The following GRIA3 variants were observed in gnomAD, a reference collection of about 807,000 sequenced individuals.
The protein encoded by GRIA3 is glutamate receptor 3.
Under a neutral mutation model 63.0 loss-of-function variants are expected in GRIA3, and 3 were observed. The ratio of observed to expected loss-of-function variants is 0.05; its 90% CI spans 0.02 to 0.12. The LOEUF (loss-of-function observed/expected upper bound fraction) is 0.12. GRIA3 is among the 10% of genes least tolerant of loss of function. The probability of loss-of-function intolerance (pLI) is 1.00; values close to 1 mark genes in which losing one functional copy is unlikely to be tolerated. For synonymous variants in GRIA3, 274 were observed against 257.9 expected, an observed-to-expected ratio of 1.06 and a Z score of -0.60; for missense variants, 347 against 700.9, an observed-to-expected ratio of 0.50 and a Z score of 5.70.
At chrX:123,280,271 G>A (rs921533377) in intron 3 of GRIA3, among the ~76,000 whole-genome samples, 2 of 111,935 alleles carry the variant, frequency 1.8e-5, no homozygotes, top group African/African-American at 6.5e-5. Context: ...ACCAAAACAC[G>A]CAGACATTTC....
intron 12 of GRIA3, among the ~76,000 whole-genome samples, chrX:123,445,635 A>G (rs1322556720): frequency 1.8e-5 from 2 of 112,459 alleles, no homozygotes; most frequent in Non-Finnish European, 3.7e-5. Context: ...AAAATCTTTG[A>G]CTATACAACA....
chrX:123,215,953 C>G (rs1347518228), intron 2 of GRIA3, among the ~76,000 whole-genome samples: 1 of 111,831 alleles, frequency 8.9e-6, no homozygotes, highest in African/African-American at 3.3e-5. Flanking sequence ...GCTTTGTGCC[C>G]GGTGCTGTAC....
chrX:123,286,752 C>T (rs757101426), intron 3 of GRIA3, among the ~76,000 whole-genome samples: 19 of 111,322 alleles, frequency 1.7e-4, no homozygotes, highest in East Asian at 5.7e-4. Flanking sequence ...TAACAAGTTC[C>T]GAAATTGGGG....
chrX:123,185,854 A>G lies in GRIA3; in HGVS notation c.132A>G (p.Thr44=), dbSNP rs1362682009. 1 of 1,210,609 alleles carries G rather than the reference A, an allele frequency of 8.3e-7. No individual in the cohort carries two copies. ...ISIGGLFMRN[T]VQEHSAFRFA... is the part of the protein sequence containing the mutation. The stretch of plus-strand genomic sequence containing the variant: ...TAGGTGGACTTTTCATGAGAAACAC[A>G]GTGCAGGAGCACAGCGCTTTCCGCT... Residue 44 remains threonine (T), a synonymous_variant, in exon 2 of 16, where the codon ACA becomes ACG. Transcript: ENST00000620443.
chrX:123,376,942 TTTTTTTTTTTG>T (rs1292994069), intron 5 of GRIA3, among the ~76,000 whole-genome samples: 5 of 100,616 alleles, frequency 5.0e-5, no homozygotes, highest in Non-Finnish European at 8.1e-5. Context: ...TCTTTTTTTT[TTTTTTTTTTTG>T]AGGCAGAGTC....
chrX:123,359,762 T>A (rs2045157032), intron 5 of GRIA3, among the ~76,000 whole-genome samples: 1 of 111,503 alleles, frequency 9.0e-6, no homozygotes, highest in Non-Finnish European at 1.9e-5. Context: ...CCACAAACAA[T>A]TGAAGTGCCC....
At chrX:123,203,570 A>G (rs1262458076) in intron 2 of GRIA3, among the ~76,000 whole-genome samples, 1 of 111,530 alleles carries the variant, frequency 9.0e-6, no homozygotes. Context: ...TGTTTGAAAG[A>G]TGCCCCTGAT....
intron 3 of GRIA3, among the ~76,000 whole-genome samples, chrX:123,255,422 A>C (rs919770474): frequency 9.0e-6 from 1 of 111,014 alleles, no homozygotes. Flanking sequence ...AACAGTATAC[A>C]TGTACTGTAT....
At chrX:123,338,305 C>G (rs1026504981) in intron 4 of GRIA3, among the ~76,000 whole-genome samples, 1 of 111,634 alleles carries the variant, frequency 9.0e-6, no homozygotes, top group Non-Finnish European at 1.9e-5. Context: ...AGTCAGAGAA[C>G]GATTTTCACT....
At chrX:123,407,694 G>GGT (rs1556314621) in intron 10 of GRIA3, among the ~76,000 whole-genome samples, 4 of 85,226 alleles carry the variant, frequency 4.7e-5, no homozygotes, top group Non-Finnish European at 6.8e-5. Flanking sequence ...TTGGTTGCGG[G>GGT]GGGGGGGGGG....
chrX:123,273,189 A>C (rs894003479), intron 3 of GRIA3, among the ~76,000 whole-genome samples: 18 of 111,598 alleles, frequency 1.6e-4, no homozygotes, highest in Non-Finnish European at 3.0e-4. Flanking sequence ...CCCACCACTG[A>C]TATTCCTAGC....
At chrX:123,487,511 T>C (rs769744611) in intron 15 of GRIA3, among the ~76,000 whole-genome samples, 1 of 111,908 alleles carries the variant, frequency 8.9e-6, no homozygotes, top group South Asian at 3.8e-4. Context: ...TCACGTTATG[T>C]TAAGTATGAA....
intron 3 of GRIA3, among the ~76,000 whole-genome samples, chrX:123,284,226 A>C (rs1037016086): frequency 4.4e-5 from 5 of 112,405 alleles, no homozygotes; most frequent in Admixed American, 2.8e-4. Context: ...GGATGTCCAC[A>C]CAGAAACCCC....
At chrX:123,478,900 T>A (rs1444077644) in intron 13 of GRIA3, among the ~76,000 whole-genome samples, 1 of 113,160 alleles carries the variant, frequency 8.8e-6, no homozygotes, top group African/African-American at 3.2e-5. Flanking sequence ...GTGCATTTTT[T>A]ATCCCAAGTC....
At chrX:123,233,467 C>T (rs1290090394) in intron 2 of GRIA3, among the ~76,000 whole-genome samples, 4 of 111,497 alleles carry the variant, frequency 3.6e-5, no homozygotes, top group Non-Finnish European at 7.5e-5. Flanking sequence ...AAATCACTTA[C>T]CCTCTCTGAG....
chrX:123,299,131 C>CCAAAA (rs2044704332), intron 3 of GRIA3, among the ~76,000 whole-genome samples: 1 of 111,371 alleles, frequency 9.0e-6, no homozygotes, highest in African/African-American at 3.3e-5. Context: ...GTTACTTTAG[C>CCAAAA]CTTGTACTAT....
rs972353223 is a variant in GRIA3, at chrX:123,480,093, C to G, written c.2355C>G (p.Leu785=). ...RTPVNLAVLK[L]SEQGILDKLK... ...CTGTAAACCTTGCAGTATTGAAACT[C>G]AGTGAACAAGGCATCTTAGACAAGC... The change falls in exon 14 of 16, where the codon CTC becomes CTG. Residue 785 remains leucine, a synonymous_variant. Coordinates refer to ENST00000620443, the MANE Select transcript of GRIA3 (RefSeq NM_007325.5). 3 of 1,203,586 alleles carry G rather than the reference C, an allele frequency of 2.5e-6. No homozygotes were observed. Among genetic ancestry groups the G allele is most frequent in the Non-Finnish European group, 3.4e-6 (3 of 888,155 alleles).
At chrX:123,320,006 C>T (rs2044857635) in intron 3 of GRIA3, among the ~76,000 whole-genome samples, 1 of 111,648 alleles carries the variant, frequency 9.0e-6, no homozygotes, top group South Asian at 3.8e-4. Flanking sequence ...CCTTGGCCAT[C>T]CATTTTTCAT....
chrX:123,289,357 G>A (rs1335392399), intron 3 of GRIA3, among the ~76,000 whole-genome samples: 2 of 109,118 alleles, frequency 1.8e-5, no homozygotes, highest in African/African-American at 3.3e-5. Context: ...ACCATGGCAC[G>A]TGTATACCTA....
Sources: gnomAD v4.1 joint callset for allele counts (sites outside exome capture counted in the v4.1 genomes callset) on GRCh38, gnomAD v4.1.1 for gene constraint, MANE v1.5 for transcripts, NCBI Gene and HGNC (gene_info 2026-07-23, HGNC 2026-07-21) for gene names.